The following SRGAP3 variants were observed in gnomAD, a reference collection of about 807,000 sequenced individuals.
SRGAP3 encodes the protein SLIT-ROBO Rho GTPase-activating protein 3.
Under a neutral mutation model 121.1 loss-of-function variants are expected in SRGAP3, and 39 were observed. The observed-to-expected ratio is 0.32, with a 90% CI of 0.25 to 0.42. The LOEUF (loss-of-function observed/expected upper bound fraction) is 0.42. Among genes scored for constraint, SRGAP3 ranks in the 10% least tolerant of loss-of-function variants. SRGAP3 has a pLI of 1.00. For missense variants in SRGAP3, 1,213 were observed against 1,470.6 expected (o/e 0.82, Z 2.86); for synonymous variants, 601 against 570.0 (o/e 1.05, Z -0.77).
At chr3:9,093,710 G>T (rs866378306) in intron 3 of SRGAP3, among the ~76,000 whole-genome samples, 1 of 151,998 alleles carries the variant, frequency 6.6e-6, no homozygotes, top group Non-Finnish European at 1.5e-5. Flanking sequence ...ATAATAACAT[G>T]CACCGTCCAT....
chr3:9,033,354 C>T (rs1944586075), intron 11 of SRGAP3: 1 of 154,964 alleles, frequency 6.5e-6, no homozygotes, highest in African/African-American at 2.4e-5. Context: ...TTTGGGGTCC[C>T]TGGGTGACCC....
At chr3:9,198,097 T>C (rs886607628) in intron 1 of SRGAP3, among the ~76,000 whole-genome samples, 2 of 152,238 alleles carry the variant, frequency 1.3e-5, no homozygotes, top group Non-Finnish European at 2.9e-5. Context: ...GGCCTTTCTA[T>C]AGAGACTGTC....
chr3:9,116,634 T>C (rs422991), intron 2 of SRGAP3, among the ~76,000 whole-genome samples: 27,284 of 152,028 alleles, frequency 0.18, 2,590 homozygotes, highest in Admixed American at 0.23. Flanking sequence ...AGGAGGATAA[T>C]AGCAAACCCC....
intron 8 of SRGAP3, 34 bp downstream of exon 8, chr3:9,056,199 G>T: frequency 6.2e-7 from 1 of 1,610,150 alleles, no homozygotes; most frequent in South Asian, 1.1e-5. Flanking sequence ...GCCTTCCAAA[G>T]AAAATCCCTT....
Position 9,181,688 on chromosome 3 carries a change from T to C in SRGAP3, c.68-56771A>G, listed in dbSNP as rs111871197. 4.6e-3 allele frequency among the ~76,000 whole-genome samples: 695 copies of C among 152,272 alleles called. 6 individuals are homozygous for C. Among genetic ancestry groups the C allele is most frequent in the African/African-American group, 0.016 (668 of 41,552 alleles). ...ATAACCTTCTGATTTTCCCTTCTGG[T>C]GCCCCCGCTCTTCTGGCTCCAGCCA... On this transcript the variant is annotated intron_variant, in intron 1 of 21. Coordinates refer to ENST00000383836, the MANE Select transcript of SRGAP3 (RefSeq NM_014850.4).
intron 3 of SRGAP3, among the ~76,000 whole-genome samples, chr3:9,263,937 A>G (rs1954304043): frequency 6.6e-6 from 1 of 152,234 alleles, no homozygotes; most frequent in Non-Finnish European, 1.5e-5. Context: ...TTTCAGGCCA[A>G]TATCCCTGAT....
intron 4 of SRGAP3, among the ~76,000 whole-genome samples, chr3:9,068,158 T>C (rs1392618938): frequency 2.0e-5 from 3 of 152,128 alleles, no homozygotes; most frequent in Non-Finnish European, 4.4e-5. Flanking sequence ...TTTTTCTATT[T>C]TGGCTTCTGA....
chr3:9,064,765 G>A (rs1238723878), intron 4 of SRGAP3, among the ~76,000 whole-genome samples, 184 bp from the exon 5 acceptor site: 1 of 151,840 alleles, frequency 6.6e-6, no homozygotes, highest in Non-Finnish European at 1.5e-5. Context: ...ATATGATGAT[G>A]ATGGTCATTA....
At chr3:9,115,462 C>T (rs781394258) in intron 2 of SRGAP3, among the ~76,000 whole-genome samples, 13 of 152,008 alleles carry the variant, frequency 8.6e-5, no homozygotes, top group African/African-American at 9.7e-5. Flanking sequence ...ATAAAGAAAT[C>T]ACGTCCTAGT....
intron 1 of SRGAP3, among the ~76,000 whole-genome samples, chr3:9,240,236 G>A (rs1236650164): frequency 6.6e-6 from 1 of 152,126 alleles, no homozygotes; most frequent in Non-Finnish European, 1.5e-5. Context: ...TAGAGTTAAA[G>A]TGCCATTATT....
At chr3:9,155,342 T>C (rs1298956654) in intron 1 of SRGAP3, among the ~76,000 whole-genome samples, 1 of 152,226 alleles carries the variant, frequency 6.6e-6, no homozygotes, top group Admixed American at 6.5e-5. Context: ...CTTTGGAGGT[T>C]TGCATTTTGA....
chr3:9,321,023 C>G (rs537173481), intron 3 of SRGAP3, among the ~76,000 whole-genome samples: 1 of 151,592 alleles, frequency 6.6e-6, no homozygotes, highest in African/African-American at 2.4e-5. Flanking sequence ...AAAAATAGAA[C>G]GTGGTGGAAG....
At chr3:9,275,562 A>T (rs1374095025) in intron 3 of SRGAP3, among the ~76,000 whole-genome samples, 1 of 152,088 alleles carries the variant, frequency 6.6e-6, no homozygotes, top group African/African-American at 2.4e-5. Context: ...GTGGTGGGAG[A>T]TAATTGAATC....
Position 9,255,172 on chromosome 3 carries a change from A to G in SRGAP3, n.442+70838T>C, listed in dbSNP as rs187159958. 1.1e-3 allele frequency among the ~76,000 whole-genome samples: 161 copies of G among 152,348 alleles called. 1 individual carries two copies. The highest frequency in any genetic ancestry group is 3.6e-3 in the African/African-American group (148 of 41,588). On this transcript the variant is annotated intron_variant and non_coding_transcript_variant, in intron 3 of 3. Coordinates refer to the SRGAP3 transcript ENST00000490889. Reference sequence around the variant, plus strand: ...AATTTGACCTCAACAAAGAATAACTACTAAAAGAAAAGAAAGTTTCCACAA... The same window carrying G: ...AATTTGACCTCAACAAAGAATAACTGCTAAAAGAAAAGAAAGTTTCCACAA...
intron 1 of SRGAP3, among the ~76,000 whole-genome samples, chr3:9,238,711 G>T (rs2125233245): frequency 6.6e-6 from 1 of 152,292 alleles, no homozygotes; most frequent in Non-Finnish European, 1.5e-5. Flanking sequence ...CCCAGGCAGA[G>T]CCCTAGGGAG....
At chr3:9,131,553 C>T (rs1023472311) in intron 1 of SRGAP3, among the ~76,000 whole-genome samples, 1 of 151,402 alleles carries the variant, frequency 6.6e-6, no homozygotes, top group Non-Finnish European at 1.5e-5. Context: ...ATTCTCCCAC[C>T]TCAGCTTCCC....
At chr3:9,186,703 T>G (rs115655400) in intron 1 of SRGAP3, among the ~76,000 whole-genome samples, 1 of 152,004 alleles carries the variant, frequency 6.6e-6, no homozygotes, top group Non-Finnish European at 1.5e-5. Flanking sequence ...CATGTACGAC[T>G]GACCCCAGGA....
chr3:9,028,153 C>T, intron 12 of SRGAP3: 1 of 1,614,112 alleles, frequency 6.2e-7, no homozygotes, highest in Non-Finnish European at 8.5e-7. Context: ...AATAAACAGG[C>T]AGCAGAGCAG....
At position 9,013,442 on chromosome 3, in the gene SRGAP3, G is replaced by T; in HGVS notation, c.2013C>A (p.Asp671Glu). The change falls in exon 17 of 22, where the codon GAC becomes GAA. Residue 671 changes from aspartate (D) to glutamate (E), a missense_variant. Coordinates refer to ENST00000383836, the MANE Select transcript of SRGAP3 (RefSeq NM_014850.4). ...TGATGTGTGCCTGGCAGGACACAGG[G>T]TCCTGCCCATCAGGGATGTGCATGA... is the stretch of plus-strand genomic sequence containing the variant. ...PTLMHIPDGQ[D>E]PVSCQAHINE... 1 of 1,614,096 alleles carries T rather than the reference G, an allele frequency of 6.2e-7. No individual in the cohort carries two copies. Among genetic ancestry groups the T allele is most frequent in the Non-Finnish European group, 8.5e-7 (1 of 1,180,014 alleles).
Sources: allele counts gnomAD v4.1 joint callset (sites outside exome capture counted in the v4.1 genomes callset), GRCh38; gene constraint gnomAD v4.1.1; transcripts MANE v1.5; gene names NCBI Gene and HGNC (gene_info 2026-07-23, HGNC 2026-07-21).